The following MLLT10 variants were observed in gnomAD, a reference collection of about 807,000 sequenced individuals.
MLLT10 encodes the protein protein AF-10.
Under a neutral mutation model 129.1 loss-of-function variants are expected in MLLT10, and 30 were observed. The ratio of observed to expected loss-of-function variants is 0.23; its 90% CI spans 0.17 to 0.32. The LOEUF (loss-of-function observed/expected upper bound fraction) is 0.32. Ranked by LOEUF, MLLT10 falls within the 10% of genes least tolerant of loss-of-function variation. The probability of loss-of-function intolerance (pLI) is 1.00; values close to 1 mark genes in which losing one functional copy is unlikely to be tolerated. For synonymous variants in MLLT10, 490 were observed against 446.4 expected, an observed-to-expected ratio of 1.10 and a Z score of -1.23; for missense variants, 1,119 against 1,268.3, an observed-to-expected ratio of 0.88 and a Z score of 1.79.
intron 3 of MLLT10, among the ~76,000 whole-genome samples, chr10:21,558,659 T>C (rs769927068): frequency 6.6e-6 from 1 of 152,094 alleles, no homozygotes; most frequent in Non-Finnish European, 1.5e-5. Context: ...GTGCTGGGAT[T>C]ACAGGCATGA....
chr10:21,561,422 G>A (rs556103168), intron 3 of MLLT10, among the ~76,000 whole-genome samples: 7 of 152,004 alleles, frequency 4.6e-5, no homozygotes, highest in African/African-American at 1.4e-4. Flanking sequence ...CACCACACCC[G>A]GCTAATTTTT....
At chr10:21,655,971 G>A (rs1325227662) in intron 9 of MLLT10, among the ~76,000 whole-genome samples, 1 of 152,194 alleles carries the variant, frequency 6.6e-6, no homozygotes, top group Non-Finnish European at 1.5e-5. Flanking sequence ...TCACAACCGT[G>A]TAGGGATGAG....
intron 13 of MLLT10, among the ~76,000 whole-genome samples, chr10:21,695,428 AAT>A (rs1393324624): frequency 6.6e-6 from 1 of 152,184 alleles, no homozygotes; most frequent in Non-Finnish European, 1.5e-5. Flanking sequence ...CGTTTCATTG[AAT>A]AACCAGGGGA....
In MLLT10 at chr10:21,673,425, G is replaced by A. The variant is rs747302824; in HGVS notation, c.1127G>A (p.Ser376Asn). ...GTGCAGTCTCCCCAGGATTTCCTGA[G>A]CTTTACAGACTCAGATCTGCGTAAT... ...SSVQSPQDFL[S>N]FTDSDLRNDS... The change falls in exon 11 of 23, where the codon AGC becomes AAC. Residue 376 changes from serine (S) to asparagine (N), a missense_variant. Transcript: ENST00000307729. 1.4e-5 allele frequency: 23 copies of A among 1,609,098 alleles called. No individual in the cohort carries two copies. In the African/African-American group the frequency reaches 1.9e-4, roughly 13 times the overall value.
intron 3 of MLLT10, among the ~76,000 whole-genome samples, chr10:21,572,776 C>G (rs577049485): frequency 4.6e-5 from 7 of 152,094 alleles, no homozygotes; most frequent in South Asian, 2.1e-4. Context: ...CTAAGCACAG[C>G]TAATTTTTAT....
intron 4 of MLLT10, among the ~76,000 whole-genome samples, chr10:21,591,392 C>T (rs1443283278): frequency 6.6e-6 from 1 of 152,230 alleles, no homozygotes; most frequent in South Asian, 2.1e-4. Flanking sequence ...TTCCAGTTTC[C>T]CTTGTGACTT....
intron 3 of MLLT10, chr10:21,557,180 C>T (rs2038141097): frequency 4.6e-6 from 6 of 1,311,852 alleles, no homozygotes; most frequent in Non-Finnish European, 5.8e-6. Context: ...TGATTCACTT[C>T]TTCAAATGCC....
chr10:21,564,824 C>CAA (rs372061828), intron 3 of MLLT10, among the ~76,000 whole-genome samples: 5 of 74,044 alleles, frequency 6.8e-5, no homozygotes, highest in Non-Finnish European at 8.9e-5. Context: ...AACTCCATCT[C>CAA]AAAAAAAAAA....
intron 4 of MLLT10, among the ~76,000 whole-genome samples, chr10:21,589,225 C>T: frequency 6.6e-6 from 1 of 151,728 alleles, no homozygotes; most frequent in Admixed American, 6.6e-5. Flanking sequence ...TTTTTTTTTA[C>T]CGTGCATGAG....
chr10:21,700,971 G>A (rs1339202078), intron 13 of MLLT10, among the ~76,000 whole-genome samples: 1 of 151,994 alleles, frequency 6.6e-6, no homozygotes, highest in Non-Finnish European at 1.5e-5. Context: ...GCTTTTCTTT[G>A]GTTGGGAGAC....
intron 14 of MLLT10, among the ~76,000 whole-genome samples, chr10:21,725,593 C>T (rs988005616): frequency 6.7e-6 from 1 of 149,222 alleles, no homozygotes; most frequent in African/African-American, 2.4e-5. Context: ...TGGTGGCGGG[C>T]GCCTCCTGTA....
Position 21,671,378 on chromosome 10 carries a change from G to A in MLLT10, c.1051+674G>A, listed in dbSNP as rs527421762. The stretch of plus-strand genomic sequence containing the variant: ...ACATTAAAAACAATTAAGGTTGGCC[G>A]GGCGTGGTGGCTCACATCTATAATC... On this transcript the variant is annotated intron_variant, in intron 10 of 22. Transcript: ENST00000307729. Among the ~76,000 whole-genome samples, 7 of 152,232 alleles carry A rather than the reference G, an allele frequency of 4.6e-5. No individual in the cohort carries two copies. In the South Asian group the frequency reaches 1.0e-3, roughly 23 times the overall value.
chr10:21,730,915 C>G lies in MLLT10; in HGVS notation c.2079C>G (p.Ser693Arg), dbSNP rs969586276. Residue 693 changes from serine (S) to arginine (R), a missense_variant, in exon 17 of 23, where the codon AGC becomes AGG. By Grantham distance (110) the Ser-to-Arg change is moderately radical (BLOSUM62 -1). Transcript: ENST00000307729. ...TTTTCAACAGATCCCCTGTAAGCAG[C>G]TTACAGATTCGCTATGATCAACCAG... The part of the protein sequence containing the change: ...GSLSPRSPVS[S>R]LQIRYDQPGN... 3.7e-6 allele frequency: 6 copies of G among 1,614,174 alleles called. No individual in the cohort carries two copies. Among genetic ancestry groups the G allele is most frequent in the African/African-American group, 1.3e-5 (1 of 75,046 alleles).
intron 2 of MLLT10, among the ~76,000 whole-genome samples, chr10:21,535,114 G>C (rs2033653978): frequency 1.4e-5 from 2 of 146,454 alleles, no homozygotes; most frequent in Non-Finnish European, 3.1e-5. Context: ...CGAGATCTGG[G>C]CCGGGGTGGG....
At chr10:21,536,834 G>C (rs2130883326) in intron 2 of MLLT10, among the ~76,000 whole-genome samples, 1 of 152,126 alleles carries the variant, frequency 6.6e-6, no homozygotes, top group Non-Finnish European at 1.5e-5. Flanking sequence ...GCTCAGGCTG[G>C]AGTGCAATGG....
intron 14 of MLLT10, among the ~76,000 whole-genome samples, chr10:21,720,131 A>C (rs1260899024): frequency 6.6e-6 from 1 of 152,228 alleles, no homozygotes; most frequent in Non-Finnish European, 1.5e-5. Flanking sequence ...ATGAGTGTTC[A>C]GTGATGGTTT....
chr10:21,705,709 T>C (rs2055424033), intron 13 of MLLT10, among the ~76,000 whole-genome samples: 1 of 152,190 alleles, frequency 6.6e-6, no homozygotes, highest in Non-Finnish European at 1.5e-5. Flanking sequence ...GTGTATCTCT[T>C]GGCCTTAGTC....
At chr10:21,543,072 C>A (rs2035466120) in intron 3 of MLLT10, among the ~76,000 whole-genome samples, 1 of 151,912 alleles carries the variant, frequency 6.6e-6, no homozygotes, top group South Asian at 2.1e-4. Flanking sequence ...GATTCTCCTG[C>A]CTCAGCCTCC....
chr10:21,663,709 C>T lies in MLLT10; in HGVS notation c.796-6740C>T, dbSNP rs115276518. 6.9e-3 allele frequency among the ~76,000 whole-genome samples: 1,056 copies of T among 152,198 alleles called. 6 individuals carry two copies. Among genetic ancestry groups the T allele is most frequent in the African/African-American group, 0.021 (852 of 41,508 alleles). ...CCTCCCGAATAGCTGGGACTACAGACGCCTGCCACCCCACCTGGGTAATTT... is the reference window on the plus strand; with the variant it reads ...CCTCCCGAATAGCTGGGACTACAGATGCCTGCCACCCCACCTGGGTAATTT... On this transcript the variant is annotated intron_variant, in intron 9 of 22. Coordinates refer to ENST00000307729, the MANE Select transcript of MLLT10 (RefSeq NM_001195626.3).
Sources: allele counts gnomAD v4.1 joint callset (sites outside exome capture counted in the v4.1 genomes callset), GRCh38; gene constraint gnomAD v4.1.1; transcripts MANE v1.5; gene names NCBI Gene and HGNC (gene_info 2026-07-23, HGNC 2026-07-21).